Variants in LIG1 observed in about 807,000 individuals in gnomAD.
The protein encoded by LIG1 is DNA ligase 1, also known as ligase I, DNA, ATP-dependent.
Under a neutral mutation model 115.7 loss-of-function variants are expected in LIG1, and 70 were observed. The observed-to-expected ratio is 0.60, with a 90% CI of 0.50 to 0.74. The LOEUF is 0.74. LIG1 is among the 30% of genes least tolerant of loss of function. The pLI, the probability that LIG1 is intolerant of heterozygous loss-of-function variation, is 0.00. For synonymous variants in LIG1, 487 were observed against 495.3 expected (o/e 0.98, Z 0.22); for missense variants, 1,115 against 1,225.6 (o/e 0.91, Z 1.35).
In LIG1 at chr19:48,137,059, A is replaced by G. The variant is rs774338280; in HGVS notation, c.1280T>C (p.Ile427Thr). 1.2e-6 allele frequency: 2 copies of G among 1,612,808 alleles called. No homozygotes were observed. Among genetic ancestry groups the G allele is most frequent in the South Asian group, 2.2e-5 (2 of 90,650 alleles). Reference protein sequence around the residue: ...SASTAKKIDIIKGLFVACRHS... With the variant: ...SASTAKKIDITKGLFVACRHS... ...GCGGCAGGCCACAAAGAGGCCTTTG[A>G]TGATGTCTATCTTCTTGGCTGTGGA... is the stretch of plus-strand genomic sequence containing the variant. Residue 427 changes from isoleucine to threonine, a missense_variant, in exon 14 of 28, where the codon ATC becomes ACC. Physicochemically the swap from Ile to Thr is moderately conservative, Grantham distance 89. Coordinates refer to ENST00000263274, the MANE Select transcript of LIG1 (RefSeq NM_000234.3). The surrounding 1 kb of genome is among the most constrained non-coding windows in gnomAD (Gnocchi z 4.3).
At chr19:48,134,146 CA>C (rs2034228721) in intron 16 of LIG1, 80 bp from the exon 17 acceptor site, 2 of 1,338,052 alleles carry the variant, frequency 1.5e-6, no homozygotes, top group African/African-American at 2.9e-5. Flanking sequence ...GGCCTGCTCC[CA>C]GAAGCCTGGG....
At chr19:48,161,312 C>G in intron 4 of LIG1, 60 bp downstream of exon 4, 2 of 1,611,310 alleles carry the variant, frequency 1.2e-6, no homozygotes, top group South Asian at 2.2e-5. Flanking sequence ...GCACTCTGTT[C>G]CAAAGGTTAA....
In LIG1 at chr19:48,169,318, C is replaced by G. The variant is rs2036643217; in HGVS notation, c.-58+923G>C. ...ACACAGATGCACAATCACACTCACA[C>G]CACACAAACTGGTGAAAACTGAACA... On this transcript the variant is annotated intron_variant, in intron 1 of 27. Transcript: ENST00000263274. Among the ~76,000 whole-genome samples, 4 of 152,090 alleles carry G rather than the reference C, an allele frequency of 2.6e-5. No individual in the cohort carries two copies. In the South Asian group the frequency reaches 8.3e-4, roughly 32 times the overall value.
chr19:48,154,402 G>A lies in LIG1; in HGVS notation c.371-435C>T, dbSNP rs2035704700. On this transcript the variant is annotated intron_variant, in intron 5 of 27. Coordinates refer to ENST00000263274, the MANE Select transcript of LIG1 (RefSeq NM_000234.3). ...CAGGAGAGGCCCTCACCCCACGATC[G>A]GCAGGAGTTGGTGTATAAATACCCC... The A allele has an allele frequency of 1.7e-5, 4 of 240,594 alleles. No homozygotes were observed. The South Asian group carries it at 2.3e-4, about 14-fold the overall frequency. The allele number at this position is 240,594 out of a possible 1,614,324, so 14.9% of individuals were successfully genotyped here.
Position 48,127,917 on chromosome 19 carries a change from T to C in LIG1, c.1925A>G (p.Lys642Arg). ...IQPFQVLTTR[K>R]RKEVDASEIQ... ...TGGAGCGGGTGATGCTACCTTGCGTTTGCGGGTGGTGAGCACTTGGAATGG... is the reference window on the plus strand; with the variant it reads ...TGGAGCGGGTGATGCTACCTTGCGTCTGCGGGTGGTGAGCACTTGGAATGG... Residue 642 changes from lysine (K) to arginine (R), a missense_variant, in exon 20 of 28, where the codon AAA becomes AGA. Physicochemically the swap from Lys to Arg is conservative, Grantham distance 26. Coordinates refer to ENST00000263274, the MANE Select transcript of LIG1 (RefSeq NM_000234.3). The C allele has an allele frequency of 6.2e-7, 1 of 1,613,888 alleles. No individual in the cohort carries two copies. Among genetic ancestry groups the C allele is most frequent in the Non-Finnish European group, 8.5e-7 (1 of 1,179,824 alleles).
In LIG1 at chr19:48,149,724, C is replaced by T. The variant is rs749322506; in HGVS notation, c.776+39G>A. ...CTGTCGGAATGCAGAGAAGGGAACA[C>T]ATCCCGAAGAACCTTTCCAGACCTG... On this transcript the variant is annotated intron_variant, in intron 9 of 27. Coordinates refer to ENST00000263274, the MANE Select transcript of LIG1 (RefSeq NM_000234.3). 9.8e-6 allele frequency: 15 copies of T among 1,536,878 alleles called. No individual in the cohort carries two copies. In the South Asian group the frequency reaches 1.3e-4, roughly 14 times the overall value.
rs374272239 is a variant in LIG1 at position 48,131,219 on chromosome 19, T to C, written c.1726-48A>G. The stretch of plus-strand genomic sequence containing the variant: ...GGGAAATCAGCTGAGTCCCCTCATG[T>C]GGCCTCAGCTTTCTCTTCTGACCCC... On this transcript the variant is annotated intron_variant, in intron 18 of 27. Coordinates refer to ENST00000263274, the MANE Select transcript of LIG1 (RefSeq NM_000234.3). The C allele has an allele frequency of 1.1e-5, 15 of 1,422,680 alleles. No individual in the cohort carries two copies. The African/African-American group carries it at 1.5e-4, about 15-fold the overall frequency. 88.1% of individuals were successfully genotyped at this position (1,422,680 alleles called of 1,614,324 possible). A position where few individuals can be genotyped will look rare whatever the true frequency, so the allele number is the denominator to read the frequency against.
In LIG1 at chr19:48,153,921, C is replaced by T. The variant is rs1287822500; in HGVS notation, c.417G>A (p.Glu139=). The change falls in exon 6 of 28, where the codon GAG becomes GAA. Residue 139 remains glutamate, a synonymous_variant. Transcript: ENST00000263274. Reference sequence around the variant, plus strand: ...CTTCTCTGTCCTCGTCCTCACTCTGCTCTTCCAGGACTTCCTGAATGGTCC... The same window carrying T: ...CTTCTCTGTCCTCGTCCTCACTCTGTTCTTCCAGGACTTCCTGAATGGTCC... ...PKRTIQEVLE[E]QSEDEDREAK... The T allele has an allele frequency of 1.2e-6, 2 of 1,613,114 alleles. No homozygotes were observed. Among genetic ancestry groups the T allele is most frequent in the South Asian group, 1.1e-5 (1 of 90,824 alleles).
In LIG1 at chr19:48,123,296, G is replaced by T. The variant is rs774233229; in HGVS notation, c.2027C>A (p.Ser676Tyr). Residue 676 changes from serine (S) to tyrosine (Y), a missense_variant, in exon 22 of 28, where the codon TCC (serine) becomes TAC (tyrosine). Ser to Tyr is a moderately radical substitution (Grantham distance 144). Transcript: ENST00000263274. ...NGESLVREPLSRRRQLLRENF... is the reference protein window; with the variant it reads ...NGESLVREPLYRRRQLLRENF... ...CTCCCGGAGCAGCTGCCGGCGCCGG[G>T]AAAGGGGCTCACGTACCAGGGACTG... is the stretch of plus-strand genomic sequence containing the variant. The T allele has an allele frequency of 6.2e-7, 1 of 1,613,790 alleles. No homozygotes were observed. The highest frequency in any genetic ancestry group is 1.1e-5 in the South Asian group (1 of 91,076).
At chr19:48,162,967 T>C (rs1347193821) in intron 2 of LIG1, among the ~76,000 whole-genome samples, 1 of 151,842 alleles carries the variant, frequency 6.6e-6, no homozygotes. Context: ...CAGGCTAGAG[T>C]GCAATGGTGT....
intron 16 of LIG1, 107 bp from the exon 17 acceptor site, chr19:48,134,173 GC>G: frequency 1.0e-6 from 1 of 963,316 alleles, no homozygotes; most frequent in Non-Finnish European, 1.6e-6. Flanking sequence ...GGATGCCTCT[GC>G]CCACTGAGTC....
intron 19 of LIG1, 120 bp downstream of exon 19, chr19:48,130,956 C>T (rs531945096): frequency 3.8e-5 from 30 of 785,954 alleles, no homozygotes; most frequent in South Asian, 1.0e-4. Context: ...TGCAGCCAAA[C>T]GCAACCTGAT....
chr19:48,123,526 T>G, intron 21 of LIG1: 1 of 617,900 alleles, frequency 1.6e-6, no homozygotes, highest in Non-Finnish European at 2.9e-6. Context: ...CCGACACCAT[T>G]TAGAGTCGGT....
At chr19:48,135,875 T>G in intron 15 of LIG1, 96 bp from the exon 16 acceptor site, 1 of 1,283,116 alleles carries the variant, frequency 7.8e-7, no homozygotes, top group South Asian at 1.2e-5. Context: ...GGAATGCAGA[T>G]GCCGCGGCCC....
intron 9 of LIG1, among the ~76,000 whole-genome samples, chr19:48,145,609 T>C (rs564683312): frequency 6.6e-6 from 1 of 152,178 alleles, no homozygotes; most frequent in East Asian, 1.9e-4. Flanking sequence ...GTGCATGGCC[T>C]TTGGTATGAA....
In LIG1 at chr19:48,137,703, G is replaced by C. The variant is rs200338124; in HGVS notation, c.1088-15C>G. 6.2e-7 allele frequency: 1 copy of C among 1,600,922 alleles called. No homozygotes were observed. The highest frequency in any genetic ancestry group is 8.5e-7 in the Non-Finnish European group (1 of 1,179,534). Reference sequence around the variant, plus strand: ...CAGCTGCCGACCTTCAGGGGAGAGCGCGGGTGGGGGTGTCGAGGGTGACAG... The same window carrying C: ...CAGCTGCCGACCTTCAGGGGAGAGCCCGGGTGGGGGTGTCGAGGGTGACAG... On this transcript the variant is annotated splice_polypyrimidine_tract_variant and intron_variant, in intron 12 of 27. Coordinates refer to ENST00000263274, the MANE Select transcript of LIG1 (RefSeq NM_000234.3). The surrounding 1 kb of genome is among the most constrained non-coding windows in gnomAD (Gnocchi z 4.3).
intron 5 of LIG1, chr19:48,154,398 G>C: frequency 4.1e-6 from 1 of 244,056 alleles, no homozygotes; most frequent in Non-Finnish European, 8.3e-6. Context: ...CTCACCCCAC[G>C]ATCGGCAGGA....
rs1349522346 is a variant in LIG1 at position 48,161,404 on chromosome 19, C to T, written c.211G>A (p.Glu71Lys). 1 of 1,614,056 alleles carries T rather than the reference C, an allele frequency of 6.2e-7. No individual in the cohort carries two copies. Among genetic ancestry groups the T allele is most frequent in the African/African-American group, 1.3e-5 (1 of 74,920 alleles). The change falls in exon 4 of 28, where the codon GAG becomes AAG. Residue 71 changes from glutamate to lysine, a missense_variant. Glu to Lys is a moderately conservative substitution (Grantham distance 56, BLOSUM62 1). Coordinates refer to ENST00000263274, the MANE Select transcript of LIG1 (RefSeq NM_000234.3). The stretch of plus-strand genomic sequence containing the variant: ...TTAGCAGGGCTAAGGGCTTCATCCT[C>T]CTCTTCCCCTTCGCTGCCCAGGACC... ...ARVLGSEGEE[E>K]DEALSPAKGQ...
chr19:48,164,332 T>C (rs973905035), intron 2 of LIG1, among the ~76,000 whole-genome samples: 1 of 152,204 alleles, frequency 6.6e-6, no homozygotes, highest in Non-Finnish European at 1.5e-5. Flanking sequence ...TGTAAGCCAC[T>C]ACCGCCCAGG....
Sources: gnomAD v4.1 joint callset for allele counts (sites outside exome capture counted in the v4.1 genomes callset) on GRCh38, gnomAD v4.1.1 for gene constraint, Gnocchi (gnomAD v3.1) non-coding constraint, MANE v1.5 for transcripts, NCBI Gene and HGNC (gene_info 2026-07-23, HGNC 2026-07-21) for gene names.